The following SLC22A16 variants were observed in gnomAD, a reference collection of about 807,000 sequenced individuals.
SLC22A16 encodes solute carrier family 22 member 16.
A neutral mutation model predicts 52.9 loss-of-function variants in SLC22A16; 53 were observed. The observed-to-expected ratio is 1.00, with a 90% CI of 0.80 to 1.26. The LOEUF (loss-of-function observed/expected upper bound fraction) is 1.26, where lower values mean the gene tolerates loss of function less well. Ranked by LOEUF, SLC22A16 falls within the 50% of genes most tolerant of loss-of-function variation. The pLI, the probability that SLC22A16 is intolerant of heterozygous loss-of-function variation, is 0.00. For synonymous variants in SLC22A16, 291 were observed against 268.8 expected (o/e 1.08, Z -0.81); for missense variants, 726 against 704.0 (o/e 1.03, Z -0.35).
Position 110,442,337 on chromosome 6 carries a change from G to C in SLC22A16, c.1090C>G (p.Leu364Val). ...SITKRTLTVWLIWFTGSLGFY... is the reference protein window; with the variant it reads ...SITKRTLTVWVIWFTGSLGFY... ...CCCAAACTTCCAGTGAACCAGATTA[G>C]CCAAACGGTAAGTGTCCTTTTCGTA... The change falls in exon 4 of 8, where the codon CTA becomes GTA. Residue 364 changes from leucine (L) to valine (V), a missense_variant. Leu to Val is a conservative substitution (Grantham distance 32). Coordinates refer to ENST00000368919, the MANE Select transcript of SLC22A16 (RefSeq NM_033125.4). The C allele has an allele frequency of 6.2e-7, 1 of 1,614,158 alleles. No individual in the cohort carries two copies. The highest frequency in any genetic ancestry group is 8.5e-7 in the Non-Finnish European group (1 of 1,180,026).
At chr6:110,460,249 AG>A (rs762101858) in intron 1 of SLC22A16, among the ~76,000 whole-genome samples, 5 of 152,196 alleles carry the variant, frequency 3.3e-5, no homozygotes, top group Non-Finnish European at 5.9e-5. Flanking sequence ...TTTGGTCTCA[AG>A]AGCCTCTATA....
intron 1 of SLC22A16, among the ~76,000 whole-genome samples, chr6:110,473,426 A>G (rs1776330037): frequency 6.7e-6 from 1 of 149,762 alleles, no homozygotes; most frequent in African/African-American, 2.5e-5. Flanking sequence ...AGTTTATGGA[A>G]ACGATATGGT....
At chr6:110,441,023 GA>G (rs1774944455) in intron 4 of SLC22A16, among the ~76,000 whole-genome samples, 1 of 152,158 alleles carries the variant, frequency 6.6e-6, no homozygotes, top group Non-Finnish European at 1.5e-5. Flanking sequence ...GAAGAATGGT[GA>G]AATCATTGAT....
chr6:110,453,124 G>T (rs1341308172), intron 2 of SLC22A16, among the ~76,000 whole-genome samples: 1 of 152,080 alleles, frequency 6.6e-6, no homozygotes, highest in Non-Finnish European at 1.5e-5. Flanking sequence ...TAGATGTCCT[G>T]GGTATTCTTC....
chr6:110,452,554 C>T (rs1478647958), intron 2 of SLC22A16, among the ~76,000 whole-genome samples: 1 of 152,114 alleles, frequency 6.6e-6, no homozygotes, highest in Non-Finnish European at 1.5e-5. Context: ...CAGTTAAGAG[C>T]TGGGTGCAGT....
At position 110,424,928 on chromosome 6, in the gene SLC22A16, C is replaced by A. The variant is rs543426030; in HGVS notation, c.1679G>T (p.Ser560Ile). Reference sequence around the variant, plus strand: ...AATCGCTTCCGTTTTTTCCAGCCCACTATTATTAGTTGTGAGAAGTAATTT... The same window carrying A: ...AATCGCTTCCGTTTTTTCCAGCCCAATATTATTAGTTGTGAGAAGTAATTT... ...SSKLLLTTNN[S>I]GLEKTEAITP... is the part of the protein sequence containing the mutation. The change falls in exon 8 of 8, where the codon AGT (serine) becomes ATT (isoleucine). Residue 560 changes from serine (S) to isoleucine (I), a missense_variant. Coordinates refer to ENST00000368919, the MANE Select transcript of SLC22A16 (RefSeq NM_033125.4). The A allele has an allele frequency of 6.2e-7, 1 of 1,614,104 alleles. No homozygotes were observed. Among genetic ancestry groups the A allele is most frequent in the Non-Finnish European group, 8.5e-7 (1 of 1,180,032 alleles).
At chr6:110,468,922 G>A (rs1302390753) in intron 1 of SLC22A16, among the ~76,000 whole-genome samples, 2 of 152,152 alleles carry the variant, frequency 1.3e-5, no homozygotes, top group Non-Finnish European at 2.9e-5. Context: ...TATTGCCTGT[G>A]GCCTCATGGG....
At position 110,442,433 on chromosome 6, in the gene SLC22A16, C is replaced by T; in HGVS notation, c.994G>A (p.Gly332Ser). ...TCAGTGGGGCTATTACTAACAGGAC[C>T]TTGTAGGTCCAGTGATAAAAGTTCT... ...LSELLSLDLQ[G>S]PVSNSPTEVQ... is the part of the protein sequence containing the mutation. Residue 332 changes from glycine to serine, a missense_variant, in exon 4 of 8, where the codon GGT (glycine) becomes AGT (serine). Transcript: ENST00000368919. The T allele has an allele frequency of 6.2e-7, 1 of 1,614,190 alleles. No homozygotes were observed. Among genetic ancestry groups the T allele is most frequent in the Non-Finnish European group, 8.5e-7 (1 of 1,180,036 alleles).
intron 2 of SLC22A16, among the ~76,000 whole-genome samples, chr6:110,454,082 C>G (rs928218957): frequency 1.3e-5 from 2 of 152,308 alleles, no homozygotes; most frequent in Middle Eastern, 3.4e-3. Flanking sequence ...GCCCAAACAC[C>G]TCCCACTAGG....
At chr6:110,463,732 T>C (rs1232709819) in intron 1 of SLC22A16, among the ~76,000 whole-genome samples, 1 of 151,886 alleles carries the variant, frequency 6.6e-6, no homozygotes, top group Non-Finnish European at 1.5e-5. Flanking sequence ...AAGCTGTCAA[T>C]GATGACAGAT....
intron 6 of SLC22A16, among the ~76,000 whole-genome samples, chr6:110,433,134 A>T (rs1774573342): frequency 6.6e-6 from 1 of 152,218 alleles, no homozygotes; most frequent in Admixed American, 6.5e-5. Flanking sequence ...GAGGGGAAGT[A>T]TGGAGGAAGA....
chr6:110,468,069 G>T (rs1161957153), intron 1 of SLC22A16, among the ~76,000 whole-genome samples: 1 of 152,240 alleles, frequency 6.6e-6, no homozygotes, highest in Admixed American at 6.5e-5. Context: ...GACACCACAG[G>T]CTGGTCATGT....
chr6:110,469,165 T>C (rs1032982920), intron 1 of SLC22A16, among the ~76,000 whole-genome samples: 6 of 152,190 alleles, frequency 3.9e-5, no homozygotes. Flanking sequence ...CTCTTTACTC[T>C]ACTCTATTCA....
Position 110,425,088 on chromosome 6 carries a change from A to G in SLC22A16, c.1522-3T>C. The G allele has an allele frequency of 1.2e-6, 2 of 1,613,788 alleles. No individual in the cohort carries two copies. Among genetic ancestry groups the G allele is most frequent in the East Asian group, 2.2e-5 (1 of 44,888 alleles). ...AGGGCCATAGTCCCAACAAACAACTAGAAGGAATTAAAAATAATGATAAGT... is the reference window on the plus strand; with the variant it reads ...AGGGCCATAGTCCCAACAAACAACTGGAAGGAATTAAAAATAATGATAAGT... On this transcript the variant is annotated splice_region_variant and splice_polypyrimidine_tract_variant and intron_variant, in intron 7 of 7. Coordinates refer to ENST00000368919, the MANE Select transcript of SLC22A16 (RefSeq NM_033125.4).
intron 1 of SLC22A16, among the ~76,000 whole-genome samples, chr6:110,467,215 G>A (rs770929596): frequency 4.0e-5 from 6 of 151,658 alleles, no homozygotes; most frequent in East Asian, 1.9e-4. Flanking sequence ...CCTAAATGCC[G>A]ATTTTCAGTC....
At chr6:110,439,126 C>T (rs1405317226) in intron 4 of SLC22A16, among the ~76,000 whole-genome samples, 1 of 152,220 alleles carries the variant, frequency 6.6e-6, no homozygotes, top group Non-Finnish European at 1.5e-5. Flanking sequence ...CAGCCCCAAA[C>T]TGTCTCAGGA....
intron 5 of SLC22A16, among the ~76,000 whole-genome samples, chr6:110,437,879 A>G (rs1774794383): frequency 1.3e-5 from 2 of 152,292 alleles, no homozygotes; most frequent in East Asian, 3.9e-4. Flanking sequence ...AACTGTTTTT[A>G]AAAACAAGCT....
intron 2 of SLC22A16, chr6:110,455,727 G>C (rs559833778): frequency 6.6e-6 from 1 of 152,170 alleles, no homozygotes; most frequent in African/African-American, 2.4e-5. Context: ...AATCTCCAGT[G>C]CAACACTATT....
intron 1 of SLC22A16, among the ~76,000 whole-genome samples, chr6:110,459,957 C>T (rs1293883066): frequency 3.3e-5 from 5 of 152,194 alleles, no homozygotes; most frequent in Non-Finnish European, 7.4e-5. Flanking sequence ...AATTCCAACC[C>T]CTGAAATTAA....
Sources: allele counts gnomAD v4.1 joint callset (sites outside exome capture counted in the v4.1 genomes callset), GRCh38; gene constraint gnomAD v4.1.1; transcripts MANE v1.5; gene names NCBI Gene and HGNC (gene_info 2026-07-23, HGNC 2026-07-21).